Variants in CDH4 observed in about 807,000 individuals in gnomAD.
CDH4 encodes cadherin 4.
Under a neutral mutation model 86.0 loss-of-function variants are expected in CDH4, and 33 were observed. The ratio of observed to expected loss-of-function variants is 0.38; its 90% CI spans 0.29 to 0.51. The LOEUF (loss-of-function observed/expected upper bound fraction) is 0.51, where lower values mean the gene tolerates loss of function less well. CDH4 is among the 20% of genes least tolerant of loss of function. CDH4 has a pLI of 0.86. For synonymous variants in CDH4, 555 were observed against 549.4 expected, an observed-to-expected ratio of 1.01 and a Z score of -0.14; for missense variants, 1,114 against 1,307.4, an observed-to-expected ratio of 0.85 and a Z score of 2.28.
chr20:61,281,895 A>G (rs976853370), intron 2 of CDH4, among the ~76,000 whole-genome samples: 1 of 152,254 alleles, frequency 6.6e-6, no homozygotes, highest in African/African-American at 2.4e-5. Flanking sequence ...AGTCCTGGCC[A>G]TGATTCTGAA....
chr20:61,929,951 C>G (rs2055088629), intron 13 of CDH4, 109 bp downstream of exon 13: 1 of 805,764 alleles, frequency 1.2e-6, no homozygotes, highest in South Asian at 1.6e-5. Flanking sequence ...GCCCTCATCT[C>G]TCAGCCTCAT....
chr20:61,784,873 G>A (rs966374129), intron 4 of CDH4, among the ~76,000 whole-genome samples: 7 of 152,200 alleles, frequency 4.6e-5, no homozygotes, highest in Non-Finnish European at 7.4e-5. Context: ...AGTTTCCCAC[G>A]TCCCATCCCC....
intron 4 of CDH4, among the ~76,000 whole-genome samples, chr20:61,818,583 CAGG>C (rs1049726880): frequency 5.9e-5 from 9 of 151,392 alleles, no homozygotes; most frequent in African/African-American, 2.2e-4. Context: ...GGGGCTGAGA[CAGG>C]AGGATTGCTT....
At chr20:61,368,809 A>G (rs1305258644) in intron 2 of CDH4, among the ~76,000 whole-genome samples, 1 of 152,032 alleles carries the variant, frequency 6.6e-6, no homozygotes, top group African/African-American at 2.4e-5. Context: ...GAGCCACTGC[A>G]GCCGGCTAGG....
At chr20:61,534,582 G>A (rs908856367) in intron 2 of CDH4, among the ~76,000 whole-genome samples, 3 of 152,006 alleles carry the variant, frequency 2.0e-5, no homozygotes, top group Admixed American at 6.6e-5. Context: ...GAGGCCTTGC[G>A]GTGTTGCTGT....
At chr20:61,591,831 G>A (rs114367229) in intron 2 of CDH4, among the ~76,000 whole-genome samples, 2,227 of 152,214 alleles carry the variant, frequency 0.015, 49 homozygotes, top group African/African-American at 0.042. Context: ...AAAAAATGAC[G>A]TTTGTTAACA....
chr20:61,470,503 T>A (rs1737275025), intron 2 of CDH4, among the ~76,000 whole-genome samples: 1 of 152,160 alleles, frequency 6.6e-6, no homozygotes, highest in Admixed American at 6.5e-5. Context: ...TTCAACTTCT[T>A]CCTTTTCAAT....
chr20:61,298,802 C>G (rs1452776551), intron 2 of CDH4, among the ~76,000 whole-genome samples: 2 of 92,306 alleles, frequency 2.2e-5, no homozygotes, highest in African/African-American at 7.1e-5. Context: ...AAATGTATCG[C>G]TGGTGAGAGT....
intron 3 of CDH4, among the ~76,000 whole-genome samples, chr20:61,772,367 A>G (rs1386378677): frequency 6.6e-6 from 1 of 152,268 alleles, no homozygotes; most frequent in Non-Finnish European, 1.5e-5. Flanking sequence ...TCAATCTGAC[A>G]GGTAAAAAGG....
chr20:61,920,475 T>G (rs916253622), intron 9 of CDH4, among the ~76,000 whole-genome samples: 6 of 150,866 alleles, frequency 4.0e-5, no homozygotes, highest in African/African-American at 1.2e-4. Context: ...GGAAGCGCAG[T>G]GTCACGGTGA....
intron 2 of CDH4, among the ~76,000 whole-genome samples, chr20:61,523,313 G>T (rs527793723): frequency 2.6e-5 from 4 of 152,240 alleles, no homozygotes; most frequent in African/African-American, 9.6e-5. Flanking sequence ...GCGGGCCCAC[G>T]CTGGTCTCTG....
intron 2 of CDH4, among the ~76,000 whole-genome samples, chr20:61,423,102 T>C (rs6089293): frequency 0.59 from 90,389 of 151,960 alleles, 27,208 homozygotes; most frequent in African/African-American, 0.68. Flanking sequence ...GCACGTGGTG[T>C]ACCTCGGGGC....
intron 2 of CDH4, among the ~76,000 whole-genome samples, chr20:61,565,308 TGGTGGTGGCGGTGC>T (rs2086280323): frequency 1.6e-5 from 1 of 62,118 alleles, no homozygotes; most frequent in Non-Finnish European, 3.4e-5. Flanking sequence ...GCGGTGCTCT[TGGTGGTGGCGGTGC>T]TCTTGGTGAT....
At chr20:61,554,503 G>A (rs923445870) in intron 2 of CDH4, among the ~76,000 whole-genome samples, 3 of 152,258 alleles carry the variant, frequency 2.0e-5, no homozygotes, top group Admixed American at 6.5e-5. Context: ...AGTGCTGGGA[G>A]AGCCATAAGG....
At chr20:61,858,257 CTG>C (rs1323878526) in intron 6 of CDH4, among the ~76,000 whole-genome samples, 1 of 139,534 alleles carries the variant, frequency 7.2e-6, no homozygotes, top group Non-Finnish European at 1.6e-5. Flanking sequence ...GTGTCTGCGT[CTG>C]TGTGTCTGTG....
chr20:61,697,982 A>G (rs903488340), intron 2 of CDH4, among the ~76,000 whole-genome samples: 6 of 152,350 alleles, frequency 3.9e-5, no homozygotes, highest in African/African-American at 9.6e-5. Flanking sequence ...AGCCAGGAGA[A>G]GAGGGTTCTG....
chr20:61,650,565 G>T (rs2087110298), intron 2 of CDH4, among the ~76,000 whole-genome samples: 1 of 152,138 alleles, frequency 6.6e-6, no homozygotes, highest in African/African-American at 2.4e-5. Context: ...CTCTTACTAA[G>T]CATCTACTGT....
intron 2 of CDH4, among the ~76,000 whole-genome samples, chr20:61,273,324 G>A (rs1231577988): frequency 7.1e-6 from 1 of 141,210 alleles, no homozygotes; most frequent in Admixed American, 7.2e-5. Flanking sequence ...AATACCATGT[G>A]CAGTTTGGGA....
intron 2 of CDH4, among the ~76,000 whole-genome samples, chr20:61,429,563 ATGGATAGGTGGACAGATGGGTGGGTGGG>A (rs907035580): frequency 6.9e-6 from 1 of 144,664 alleles, no homozygotes; most frequent in African/African-American, 2.5e-5. Flanking sequence ...GGATGGGTGG[ATGGATAGGTGGACAGATGGGTGGGTGGG>A]TGGATAGATG....
Sources: allele counts gnomAD v4.1 joint callset (sites outside exome capture counted in the v4.1 genomes callset), GRCh38; gene constraint gnomAD v4.1.1; transcripts MANE v1.5; gene names NCBI Gene and HGNC (gene_info 2026-07-23, HGNC 2026-07-21).